CTNNA2: variants seen among roughly 807,000 people sequenced by gnomAD.
The protein encoded by CTNNA2 is catenin alpha 2.
CTNNA2 carries 42 observed loss-of-function variants against 101.0 expected under a neutral mutation model. The observed-to-expected ratio is 0.42, with a 90% CI of 0.32 to 0.54. The LOEUF (loss-of-function observed/expected upper bound fraction) is 0.54. Ranked by LOEUF, CTNNA2 falls within the 20% of genes least tolerant of loss-of-function variation. The pLI is 0.14. For missense variants in CTNNA2, 871 were observed against 1,223.1 expected, an observed-to-expected ratio of 0.71 and a Z score of 4.29; for synonymous variants, 450 against 456.4, an observed-to-expected ratio of 0.99 and a Z score of 0.18.
At chr2:80,423,593 G>A (rs1422698676) in intron 9 of CTNNA2, among the ~76,000 whole-genome samples, 1 of 151,946 alleles carries the variant, frequency 6.6e-6, no homozygotes, top group Non-Finnish European at 1.5e-5. Flanking sequence ...TTGTTTTGGG[G>A]CGGCTCCACA....
intron 7 of CTNNA2, among the ~76,000 whole-genome samples, chr2:80,101,147 G>A (rs1376408369): frequency 2.0e-5 from 3 of 152,142 alleles, no homozygotes; most frequent in Non-Finnish European, 4.4e-5. Flanking sequence ...GGATATTTCA[G>A]AGGATTTAAA....
At chr2:80,390,934 A>AGCC (rs1382211879) in intron 7 of CTNNA2, among the ~76,000 whole-genome samples, 3 of 152,102 alleles carry the variant, frequency 2.0e-5, no homozygotes, top group African/African-American at 7.2e-5. Flanking sequence ...GTTTGAGACC[A>AGCC]GCCTGGCCAA....
At chr2:80,633,053 G>C (rs970761422) in intron 18 of CTNNA2, among the ~76,000 whole-genome samples, 4 of 152,120 alleles carry the variant, frequency 2.6e-5, no homozygotes, top group Non-Finnish European at 2.9e-5. Flanking sequence ...TGGTATCTCT[G>C]TGCTCTGTAG....
intron 9 of CTNNA2, among the ~76,000 whole-genome samples, chr2:80,515,216 G>C (rs574764891): frequency 1.3e-4 from 20 of 151,314 alleles, no homozygotes; most frequent in Non-Finnish European, 2.7e-4. Context: ...GTTTCAAATA[G>C]GATTTTTTTC....
intron 9 of CTNNA2, among the ~76,000 whole-genome samples, chr2:80,427,370 G>A (rs571641342): frequency 8.0e-4 from 122 of 152,238 alleles, no homozygotes; most frequent in Non-Finnish European, 1.5e-3. Context: ...TGTTTGCTAC[G>A]AGGCTCCCTG....
At chr2:80,320,513 G>C (rs1243911269) in intron 7 of CTNNA2, among the ~76,000 whole-genome samples, 1 of 152,180 alleles carries the variant, frequency 6.6e-6, no homozygotes, top group Non-Finnish European at 1.5e-5. Flanking sequence ...GTGAGGAACA[G>C]ACCATTTGAA....
intron 4 of CTNNA2, among the ~76,000 whole-genome samples, chr2:79,428,583 A>G (rs1678617509): frequency 6.6e-6 from 1 of 152,052 alleles, no homozygotes. Flanking sequence ...CAATATTGAG[A>G]CAGAAACATG....
At chr2:80,490,711 T>G (rs968561089) in intron 9 of CTNNA2, among the ~76,000 whole-genome samples, 2 of 152,086 alleles carry the variant, frequency 1.3e-5, no homozygotes. Flanking sequence ...AGAAAAAAAG[T>G]CATGATTTTT....
At chr2:80,592,801 G>C (rs1259056917) in intron 15 of CTNNA2, among the ~76,000 whole-genome samples, 3 of 152,104 alleles carry the variant, frequency 2.0e-5, no homozygotes, top group African/African-American at 7.2e-5. Flanking sequence ...CTCAGAATTT[G>C]AATTTTGAAT....
At chr2:79,564,897 T>G (rs1675012719) in intron 1 of CTNNA2, among the ~76,000 whole-genome samples, 1 of 152,196 alleles carries the variant, frequency 6.6e-6, no homozygotes, top group Non-Finnish European at 1.5e-5. Flanking sequence ...ATATATTTAT[T>G]TCAGTTATTT....
chr2:80,418,950 T>G (rs1398642273), intron 8 of CTNNA2, among the ~76,000 whole-genome samples: 4 of 152,232 alleles, frequency 2.6e-5, no homozygotes. Context: ...GTTTTGAGAT[T>G]GTTAGATGTT....
chr2:80,232,267 C>T (rs1046861169), intron 7 of CTNNA2, among the ~76,000 whole-genome samples: 16 of 149,364 alleles, frequency 1.1e-4, no homozygotes, highest in Admixed American at 2.0e-4. Context: ...TACAGGTCAT[C>T]GTCCTCATAT....
chr2:79,826,637 T>G (rs1044606056), intron 3 of CTNNA2, among the ~76,000 whole-genome samples: 3 of 152,216 alleles, frequency 2.0e-5, no homozygotes, highest in Non-Finnish European at 4.4e-5. Flanking sequence ...GAAAAATGTA[T>G]GTATGTTTGC....
intron 7 of CTNNA2, among the ~76,000 whole-genome samples, chr2:80,312,045 T>C (rs1677640469): frequency 6.6e-6 from 1 of 152,214 alleles, no homozygotes; most frequent in East Asian, 1.9e-4. Flanking sequence ...AAATTTCACC[T>C]TCTCATCCTA....
At chr2:79,508,990 TATATATATATATATATATATATAA>T (rs1163729002), upstream of CTNNA2, among the ~76,000 whole-genome samples, 15 of 47,732 alleles carry the variant, frequency 3.1e-4, no homozygotes, top group Admixed American at 9.5e-4. Flanking sequence ...TATATATATA[TATATATATATATATATATATATAA>T]ACAATTACCT....
chr2:79,770,587 T>C (rs1673502240), intron 3 of CTNNA2, among the ~76,000 whole-genome samples: 1 of 152,196 alleles, frequency 6.6e-6, no homozygotes, highest in African/African-American at 2.4e-5. Context: ...AGCTTCATGT[T>C]ATTAAGGCAA....
At chr2:79,273,871 G>A (rs1404369918) in intron 2 of CTNNA2, among the ~76,000 whole-genome samples, 3 of 151,614 alleles carry the variant, frequency 2.0e-5, no homozygotes, top group Non-Finnish European at 4.4e-5. Context: ...CCAGATCTCT[G>A]AAAGTAGTTT....
intron 7 of CTNNA2, among the ~76,000 whole-genome samples, chr2:80,202,366 A>G (rs1707261673): frequency 6.6e-6 from 1 of 152,226 alleles, no homozygotes; most frequent in African/African-American, 2.4e-5. Flanking sequence ...AAAATGTGGT[A>G]CAGGCAACCA....
At chr2:79,365,882 CA>C (rs1677739306) in intron 3 of CTNNA2, among the ~76,000 whole-genome samples, 1 of 152,166 alleles carries the variant, frequency 6.6e-6, no homozygotes. Context: ...CTGTAACTCA[CA>C]CCTTGATTTT....
Sources: gnomAD v4.1 joint callset for allele counts (sites outside exome capture counted in the v4.1 genomes callset) on GRCh38, gnomAD v4.1.1 for gene constraint, MANE v1.5 for transcripts, NCBI Gene and HGNC (gene_info 2026-07-23, HGNC 2026-07-21) for gene names.